OPCML: variants seen among roughly 807,000 people sequenced by gnomAD.
OPCML encodes opioid-binding protein/cell adhesion molecule.
A neutral mutation model predicts 37.8 loss-of-function variants in OPCML; 13 were observed. The observed-to-expected ratio is 0.34, with a 90% CI of 0.22 to 0.55. The LOEUF (loss-of-function observed/expected upper bound fraction) is 0.55. OPCML is among the 20% of genes least tolerant of loss of function. The probability of loss-of-function intolerance (pLI) is 0.91; values close to 1 mark genes in which losing one functional copy is unlikely to be tolerated. For synonymous variants in OPCML, 176 were observed against 168.8 expected (o/e 1.04, Z -0.33); for missense variants, 341 against 435.6 (o/e 0.78, Z 1.93).
At chr11:133,075,504 A>G (rs11223357) in intron 1 of OPCML, among the ~76,000 whole-genome samples, 25,546 of 152,198 alleles carry the variant, frequency 0.17, 2,292 homozygotes, top group Middle Eastern at 0.21. Context: ...GCAGTTCGAC[A>G]CTGACTGATG....
chr11:132,436,635 G>T (rs995498808), intron 6 of OPCML, 24 bp downstream of exon 6: 27 of 1,613,864 alleles, frequency 1.7e-5, no homozygotes, highest in Non-Finnish European at 2.0e-5. Flanking sequence ...CTTCAGAACT[G>T]TCCAGGTGTC....
chr11:133,185,010 C>T (rs1938009235), intron 1 of OPCML, among the ~76,000 whole-genome samples: 1 of 152,110 alleles, frequency 6.6e-6, no homozygotes, highest in Admixed American at 6.5e-5. Context: ...TTGACTCTAC[C>T]ATATTTCATT....
intron 1 of OPCML, among the ~76,000 whole-genome samples, chr11:133,158,519 G>T (rs1592059061): frequency 6.6e-6 from 1 of 151,748 alleles, no homozygotes; most frequent in East Asian, 2.0e-4. Flanking sequence ...GGCCAACATG[G>T]TGAAACCCCA....
At position 133,376,391 on chromosome 11, in the gene OPCML, A is replaced by T. The variant is rs151012622; in HGVS notation, c.61+155873T>A. On this transcript the variant is annotated intron_variant, in intron 1 of 7. Transcript: ENST00000524381. ...TTAGTTAGATAACTATGATACAGAC[A>T]TAAGCTGCAATATTGTGATGACATT... is the stretch of plus-strand genomic sequence containing the variant. Among the ~76,000 whole-genome samples, 671 of 152,338 alleles carry T rather than the reference A, an allele frequency of 4.4e-3. 3 individuals carry two copies. The highest frequency in any genetic ancestry group is 0.015 in the African/African-American group (609 of 41,582).
Position 132,821,637 on chromosome 11 carries a change from T to C in OPCML, c.146+121289A>G, listed in dbSNP as rs1939991788. On this transcript the variant is annotated intron_variant, in intron 2 of 7. Coordinates refer to ENST00000524381, the MANE Select transcript of OPCML (RefSeq NM_001012393.5). ...GAAAGATTAGCCCCAGATTGCTGATTGGACTATTTTACATCATTATGGTAA... is the reference window on the plus strand; with the variant it reads ...GAAAGATTAGCCCCAGATTGCTGATCGGACTATTTTACATCATTATGGTAA... Among the ~76,000 whole-genome samples the C allele has an allele frequency of 2.6e-5, 4 of 152,234 alleles. No homozygotes were observed. The East Asian group carries it at 7.7e-4, about 29-fold the overall frequency.
chr11:133,367,640 A>C (rs998574483), intron 1 of OPCML, among the ~76,000 whole-genome samples: 8 of 152,238 alleles, frequency 5.3e-5, no homozygotes, highest in African/African-American at 1.9e-4. Context: ...GAGTGGTTCC[A>C]ATTTAGCATC....
intron 1 of OPCML, among the ~76,000 whole-genome samples, chr11:133,021,770 G>A (rs373064703): frequency 3.3e-5 from 5 of 152,268 alleles, no homozygotes; most frequent in South Asian, 2.1e-4. Context: ...TGAGCTGGTC[G>A]AAAATAATCT....
intron 2 of OPCML, among the ~76,000 whole-genome samples, chr11:132,828,867 C>T (rs866973158): frequency 6.6e-6 from 1 of 152,226 alleles, no homozygotes; most frequent in Non-Finnish European, 1.5e-5. Context: ...TATGATTTCA[C>T]TGGCTGGCCG....
intron 1 of OPCML, among the ~76,000 whole-genome samples, chr11:133,053,284 A>G (rs1447847876): frequency 1.3e-5 from 2 of 152,206 alleles, no homozygotes; most frequent in African/African-American, 2.4e-5. Context: ...TAAGCCCTCA[A>G]CGCATGGCGT....
chr11:132,684,334 G>A (rs370381431), intron 2 of OPCML, among the ~76,000 whole-genome samples: 37 of 152,100 alleles, frequency 2.4e-4, no homozygotes, highest in East Asian at 1.3e-3. Context: ...TTAGTAAATT[G>A]AGCCTCAGAA....
chr11:132,756,238 T>C (rs1239157463), intron 2 of OPCML, among the ~76,000 whole-genome samples: 1 of 152,188 alleles, frequency 6.6e-6, no homozygotes, highest in African/African-American at 2.4e-5. Context: ...AATACTCGGA[T>C]GCTAGTGATG....
chr11:132,918,477 T>C (rs1235021019), intron 2 of OPCML, among the ~76,000 whole-genome samples: 1 of 152,222 alleles, frequency 6.6e-6, no homozygotes. Flanking sequence ...CTCCATAAAA[T>C]TGGAATCATA....
At chr11:132,441,158 C>CTTTTTTGTT (rs1412333993) in intron 4 of OPCML, among the ~76,000 whole-genome samples, 4 of 108,058 alleles carry the variant, frequency 3.7e-5, no homozygotes, top group Admixed American at 2.8e-4. Context: ...TCACCAAGGA[C>CTTTTTTGTT]TTTTTTGTTT....
At chr11:132,944,730 G>A (rs1381859364) in intron 1 of OPCML, among the ~76,000 whole-genome samples, 1 of 152,132 alleles carries the variant, frequency 6.6e-6, no homozygotes, top group Non-Finnish European at 1.5e-5. Context: ...CTTTGGTCTC[G>A]GATTTGTCTC....
rs562590283 is a variant in OPCML, at chr11:132,772,930, C to A, written c.147-115611G>T. The A allele has an allele frequency of 5.9e-5, 9 of 152,274 alleles. No individual in the cohort carries two copies. The East Asian group carries it at 1.7e-3, about 30-fold the overall frequency. The allele number at this position is 152,274 out of a possible 1,614,324, so 9.4% of individuals were successfully genotyped here. A position where few individuals can be genotyped will look rare whatever the true frequency, so the allele number is the denominator to read the frequency against. On this transcript the variant is annotated intron_variant, in intron 2 of 7. Transcript: ENST00000524381. ...CTGGTCGCCGAATACCTGTCTGGGGCACATTGGAGAGGAGCAGGGGACCTG... is the reference window on the plus strand; with the variant it reads ...CTGGTCGCCGAATACCTGTCTGGGGAACATTGGAGAGGAGCAGGGGACCTG...
Position 133,499,859 on chromosome 11 carries a change from C to CAT in OPCML, c.61+32403_61+32404dup, listed in dbSNP as rs1165126457. 3.5e-3 allele frequency among the ~76,000 whole-genome samples: 425 copies of CAT among 122,086 alleles called. 3 individuals carry two copies. The highest frequency in any genetic ancestry group is 8.1e-3 in the Middle Eastern group (2 of 246). The allele number at this position is 122,086 out of a possible 152,430, so 80.1% of individuals were successfully genotyped here. A position where few individuals can be genotyped will look rare whatever the true frequency, so the allele number is the denominator to read the frequency against. The stretch of plus-strand genomic sequence containing the variant: ...GTGTATGTATATATATATACATACA[C>CAT]ATATATATATATATATTTTTTTTTT... On this transcript the variant is annotated intron_variant, in intron 1 of 7. Transcript: ENST00000524381.
chr11:133,263,930 T>C (rs1941570028), intron 1 of OPCML, among the ~76,000 whole-genome samples: 1 of 152,230 alleles, frequency 6.6e-6, no homozygotes, highest in African/African-American at 2.4e-5. Context: ...CCAGGGACAA[T>C]TCCCATTACA....
intron 3 of OPCML, among the ~76,000 whole-genome samples, chr11:132,550,770 A>G (rs1451183834): frequency 6.6e-6 from 1 of 152,146 alleles, no homozygotes; most frequent in Non-Finnish European, 1.5e-5. Context: ...CCAACTCTAC[A>G]CTCCACCTGC....
chr11:132,508,230 G>A (rs1293472008), intron 4 of OPCML, among the ~76,000 whole-genome samples: 1 of 152,102 alleles, frequency 6.6e-6, no homozygotes, highest in African/African-American at 2.4e-5. Flanking sequence ...CATTTTATGA[G>A]GCCAGAATTA....
Sources: allele counts gnomAD v4.1 joint callset (sites outside exome capture counted in the v4.1 genomes callset), GRCh38; gene constraint gnomAD v4.1.1; transcripts MANE v1.5; gene names NCBI Gene and HGNC (gene_info 2026-07-23, HGNC 2026-07-21).